The following ARHGEF40 variants were observed in gnomAD, a reference collection of about 807,000 sequenced individuals.
ARHGEF40 encodes Rho guanine nucleotide exchange factor (GEF) 40.
Under a neutral mutation model 165.9 loss-of-function variants are expected in ARHGEF40, and 98 were observed. The observed-to-expected ratio is 0.59, with a 90% CI of 0.50 to 0.70. The LOEUF (loss-of-function observed/expected upper bound fraction) is 0.70, where lower values mean the gene tolerates loss of function less well. Ranked by LOEUF, ARHGEF40 falls within the 30% of genes least tolerant of loss-of-function variation. ARHGEF40 has a pLI of 0.00. For missense variants in ARHGEF40, 1,815 were observed against 1,968.0 expected, an observed-to-expected ratio of 0.92 and a Z score of 1.47; for synonymous variants, 792 against 814.3, an observed-to-expected ratio of 0.97 and a Z score of 0.47.
chr14:21,073,153 A>G lies in ARHGEF40; in HGVS notation c.112A>G (p.Arg38Gly), dbSNP rs759164647. 1.2e-6 allele frequency: 2 copies of G among 1,614,106 alleles called. No individual in the cohort carries two copies. Among genetic ancestry groups the G allele is most frequent in the Non-Finnish European group, 8.5e-7 (1 of 1,180,002 alleles). The change falls in exon 2 of 24, where the codon AGG (arginine) becomes GGG (glycine). Residue 38 changes from arginine (R) to glycine (G), a missense_variant. Transcript: ENST00000298694. The surrounding 1 kb of genome is among the most constrained non-coding windows in gnomAD (Gnocchi z 4.6). The part of the protein sequence containing the change: ...LLGQVFQVVE[R>G]TYREDALRYT... Reference sequence around the variant, plus strand: ...GGGCCAGGTGTTCCAGGTGGTGGAGAGGACTTATCGGGAGGACGCACTGAG... The same window carrying G: ...GGGCCAGGTGTTCCAGGTGGTGGAGGGGACTTATCGGGAGGACGCACTGAG...
chr14:21,087,387 TTCGCCGGGAGCCTGC>T lies in ARHGEF40; in HGVS notation c.4314_4328del (p.Pro1439_Ser1443del), dbSNP rs775113618. On this transcript the variant is annotated inframe_deletion, in exon 21 of 24. Transcript: ENST00000298694. Reference sequence around the variant, plus strand: ...ATGCCGGCCCCTCCCTTCCCGGCCTTTCGCCGGGAGCCTGCTCCCTGCCTGCCCGCGTCGAGGAGG... The same window carrying T: ...ATGCCGGCCCCTCCCTTCCCGGCCTTTCCCTGCCTGCCCGCGTCGAGGAGG... 1.2e-6 allele frequency: 2 copies of T among 1,603,636 alleles called. No individual in the cohort carries two copies. Among genetic ancestry groups the T allele is most frequent in the Non-Finnish European group, 8.5e-7 (1 of 1,179,872 alleles).
chr14:21,065,271 C>T, the ARHGEF40 span, among the ~76,000 whole-genome samples: 4 of 151,990 alleles, frequency 2.6e-5, no homozygotes, highest in Non-Finnish European at 5.9e-5. Flanking sequence ...AAAAAAACCT[C>T]ATGAGGACTG....
At position 21,074,751 on chromosome 14, in the gene ARHGEF40, G is replaced by A. The variant is rs779118561; in HGVS notation, c.1021G>A (p.Val341Met). The A allele has an allele frequency of 1.9e-6, 3 of 1,609,572 alleles. No homozygotes were observed. The highest frequency in any genetic ancestry group is 2.2e-5 in the South Asian group (2 of 90,758). ...LEVSEPPAEA[V>M]GEASGSCPLR... ...GGTGTCTGAGCCCCCAGCAGAGGCT[G>A]TGGGAGAAGCCTCCGGATCTTGCCC... The change falls in exon 3 of 24, where the codon GTG becomes ATG. Residue 341 changes from valine (V) to methionine (M), a missense_variant. Coordinates refer to ENST00000298694, the MANE Select transcript of ARHGEF40 (RefSeq NM_018071.5). The surrounding 1 kb of genome is among the most constrained non-coding windows in gnomAD (Gnocchi z 4.8).
rs377432854 is a variant in ARHGEF40 at position 21,076,648 on chromosome 14, G to T, written c.1917+5G>T. 43 of 1,613,362 alleles carry T rather than the reference G, an allele frequency of 2.7e-5. No homozygotes were observed. Among genetic ancestry groups the T allele is most frequent in the Non-Finnish European group, 3.4e-5 (40 of 1,179,652 alleles). On this transcript the variant is annotated splice_donor_5th_base_variant and intron_variant, in intron 7 of 23. Coordinates refer to ENST00000298694, the MANE Select transcript of ARHGEF40 (RefSeq NM_018071.5). ...ACTGAACTCTGTGGATTTCAGGTTT[G>T]AGCCCTTCATTCCCATCTAGTTTCC... is the stretch of plus-strand genomic sequence containing the variant.
chr14:21,074,495 C>T lies in ARHGEF40; in HGVS notation c.765C>T (p.Ser255=). The change falls in exon 3 of 24, where the codon AGC becomes AGT. Residue 255 remains serine, a synonymous_variant. Transcript: ENST00000298694. The surrounding 1 kb of genome is among the most constrained non-coding windows in gnomAD (Gnocchi z 4.8). The part of the protein sequence containing the change: ...LLEVTLPVRG[S]PTDAEGSPGL... ...AGGTGACGCTGCCCGTGAGGGGGAG[C>T]CCAACAGATGCTGAAGGCTCCCCAG... 1 of 1,556,768 alleles carries T rather than the reference C, an allele frequency of 6.4e-7. No individual in the cohort carries two copies. The highest frequency in any genetic ancestry group is 2.3e-5 in the East Asian group (1 of 43,362).
intron 18 of ARHGEF40, among the ~76,000 whole-genome samples, chr14:21,085,247 C>G (rs548777349): frequency 3.3e-4 from 50 of 152,258 alleles, no homozygotes; most frequent in African/African-American, 1.2e-3. Context: ...AGAAAGCACA[C>G]TATACTTTGA....
intron 7 of ARHGEF40, 53 bp from the exon 8 acceptor site, chr14:21,076,721 G>A (rs928269686): frequency 2.3e-5 from 37 of 1,610,716 alleles, no homozygotes; most frequent in South Asian, 6.6e-5. Flanking sequence ...CCCCAGGCTG[G>A]TTTCTGAGTC....
At chr14:21,079,719 G>A (rs767144061) in intron 11 of ARHGEF40, among the ~76,000 whole-genome samples, 7 of 152,122 alleles carry the variant, frequency 4.6e-5, no homozygotes, top group Non-Finnish European at 7.3e-5. Context: ...GTGCAAAAGC[G>A]GGGGCCAAGA....
chr14:21,083,444 G>A (rs1278804176), intron 16 of ARHGEF40, among the ~76,000 whole-genome samples: 1 of 152,038 alleles, frequency 6.6e-6, no homozygotes, highest in East Asian at 1.9e-4. Flanking sequence ...CAGCTACTCG[G>A]GAGGCTGAGG....
chr14:21,088,189 G>C, intron 22 of ARHGEF40, 91 bp downstream of exon 22: 1 of 1,437,590 alleles, frequency 7.0e-7, no homozygotes, highest in East Asian at 2.4e-5. Flanking sequence ...AGGGGGGTTG[G>C]GGGAAAACTG....
In ARHGEF40 at chr14:21,090,205, AC is replaced by A; in HGVS notation, c.*1201del. ...GAAGGGTACAGTGCCCCCCACCCTC[AC>A]CCCTTGTACAAAAATAAACTCTCAC... is the stretch of plus-strand genomic sequence containing the variant. On this transcript the variant is annotated 3_prime_UTR_variant, in exon 24 of 24. Coordinates refer to ENST00000298694, the MANE Select transcript of ARHGEF40 (RefSeq NM_018071.5). This position sits in a 1 kb window ranked among gnomAD's most constrained non-coding sequence, Gnocchi z 4.4. The A allele has an allele frequency of 5.3e-6, 3 of 562,180 alleles. 1 individual carries two copies. The allele number at this position is 562,180 out of a possible 1,614,324, so 34.8% of individuals were successfully genotyped here. A position where few individuals can be genotyped will look rare whatever the true frequency, so the allele number is the denominator to read the frequency against.
At chr14:21,088,989 C>T in intron 23 of ARHGEF40, 25 bp from the exon 24 acceptor site, 1 of 1,030,246 alleles carries the variant, frequency 9.7e-7, no homozygotes. Flanking sequence ...CCCAACTCAT[C>T]TCCCTCTTCT....
Position 21,075,201 on chromosome 14 carries a change from G to A in ARHGEF40, c.1450+21G>A, listed in dbSNP as rs1023473494. On this transcript the variant is annotated intron_variant, in intron 3 of 23. Coordinates refer to ENST00000298694, the MANE Select transcript of ARHGEF40 (RefSeq NM_018071.5). This position sits in a 1 kb window ranked among gnomAD's most constrained non-coding sequence, Gnocchi z 4.5. ...GGCAGGTGAGATGACACGGAGTGAGGCTCATGGGGCAAGGGCCAAAGCAGG... is the reference window on the plus strand; with the variant it reads ...GGCAGGTGAGATGACACGGAGTGAGACTCATGGGGCAAGGGCCAAAGCAGG... 1.9e-6 allele frequency: 3 copies of A among 1,583,924 alleles called. No individual in the cohort carries two copies. In the Admixed American group the frequency reaches 5.2e-5, roughly 28 times the overall value.
Position 21,090,137 on chromosome 14 carries a change from C to T in ARHGEF40, c.*1129C>T, listed in dbSNP as rs2139284596. 2.2e-6 allele frequency: 1 copy of T among 458,282 alleles called. No homozygotes were observed. Among genetic ancestry groups the T allele is most frequent in the South Asian group, 1.6e-5 (1 of 63,134 alleles). 28.4% of individuals were successfully genotyped at this position (458,282 alleles called of 1,614,324 possible). A position where few individuals can be genotyped will look rare whatever the true frequency, so the allele number is the denominator to read the frequency against. ...ACTCTGCAATAGGGATGACAGGAAT[C>T]GTACCAAAAATAGCGACGTCTACAG... On this transcript the variant is annotated 3_prime_UTR_variant, in exon 24 of 24. Coordinates refer to ENST00000298694, the MANE Select transcript of ARHGEF40 (RefSeq NM_018071.5). This position sits in a 1 kb window ranked among gnomAD's most constrained non-coding sequence, Gnocchi z 4.4.
In ARHGEF40 at chr14:21,075,233, C is replaced by G. The variant is rs1488145917; in HGVS notation, c.1450+53C>G. ...GGGCAAGGGCCAAAGCAGGTCGGGC[C>G]TATGGGAGGGGGCAGGAGGAGGAGC... On this transcript the variant is annotated intron_variant, in intron 3 of 23. Coordinates refer to ENST00000298694, the MANE Select transcript of ARHGEF40 (RefSeq NM_018071.5). The surrounding 1 kb of genome is among the most constrained non-coding windows in gnomAD (Gnocchi z 4.5). 4 of 1,585,334 alleles carry G rather than the reference C, an allele frequency of 2.5e-6. No homozygotes were observed. Among genetic ancestry groups the G allele is most frequent in the Non-Finnish European group, 3.4e-6 (4 of 1,166,442 alleles).
At chr14:21,084,133 A>AGGCTCCAGGTCAGAG (rs1888160569) in intron 17 of ARHGEF40, 83 bp downstream of exon 17, 1 of 1,412,998 alleles carries the variant, frequency 7.1e-7, no homozygotes, top group African/African-American at 1.4e-5. Context: ...CAGGAGAACC[A>AGGCTCCAGGTCAGAG]GGCTCCAGGT....
rs1887174976 is a variant in ARHGEF40, at chr14:21,073,870, T to TGC, written c.202-61_202-60dup. On this transcript the variant is annotated intron_variant, in intron 2 of 23. Transcript: ENST00000298694. This position sits in a 1 kb window ranked among gnomAD's most constrained non-coding sequence, Gnocchi z 4.6. ...CTGCCTAGGGTGGGCCCATTCTAAC[T>TGC]GCCCTCTCCTGCTGGTTTCTTCAGC... 3.3e-6 allele frequency: 5 copies of TGC among 1,535,536 alleles called. No individual in the cohort carries two copies. The East Asian group carries it at 1.1e-4, about 35-fold the overall frequency.
chr14:21,075,258 C>T lies in ARHGEF40; in HGVS notation c.1451-74C>T. On this transcript the variant is annotated intron_variant, in intron 3 of 23. Coordinates refer to ENST00000298694, the MANE Select transcript of ARHGEF40 (RefSeq NM_018071.5). The surrounding 1 kb of genome is among the most constrained non-coding windows in gnomAD (Gnocchi z 4.5). ...CTATGGGAGGGGGCAGGAGGAGGAG[C>T]AGGGTTAGGCTGGGAGCAGAACAAC... 6.3e-7 allele frequency: 1 copy of T among 1,592,302 alleles called. No individual in the cohort carries two copies. The highest frequency in any genetic ancestry group is 8.6e-7 in the Non-Finnish European group (1 of 1,169,574).
Position 21,088,039 on chromosome 14 carries a change from C to A in ARHGEF40, c.4459C>A (p.His1487Asn), listed in dbSNP as rs114151912. Residue 1487 changes from histidine (H) to asparagine (N), a missense_variant, in exon 22 of 24, where the codon CAC becomes AAC. Physicochemically the swap from His to Asn is moderately conservative, Grantham distance 68. Coordinates refer to ENST00000298694, the MANE Select transcript of ARHGEF40 (RefSeq NM_018071.5). ...PRNSPSLQPPHPGSSTPTLAS... is the reference protein window; with the variant it reads ...PRNSPSLQPPNPGSSTPTLAS... Reference sequence around the variant, plus strand: ...AAACAGCCCCAGCCTGCAACCCCCCCACCCTGGGAGCAGCACTCCCACCCT... The same window carrying A: ...AAACAGCCCCAGCCTGCAACCCCCCAACCCTGGGAGCAGCACTCCCACCCT... The A allele has an allele frequency of 4.1e-5, 66 of 1,614,076 alleles. No individual in the cohort carries two copies. The highest frequency in any genetic ancestry group is 1.6e-4 in the Middle Eastern group (1 of 6,062).
Sources: gnomAD v4.1 joint callset for allele counts (sites outside exome capture counted in the v4.1 genomes callset) on GRCh38, gnomAD v4.1.1 for gene constraint, Gnocchi (gnomAD v3.1) non-coding constraint, MANE v1.5 for transcripts, NCBI Gene and HGNC (gene_info 2026-07-23, HGNC 2026-07-21) for gene names.